Variants in WIF1 observed in about 807,000 individuals in gnomAD.
WIF1 encodes Wnt inhibitory factor 1.
A neutral mutation model predicts 53.5 loss-of-function variants in WIF1; 35 were observed. That is an observed-to-expected ratio of 0.65 (90% confidence interval 0.50 to 0.87). The LOEUF (loss-of-function observed/expected upper bound fraction) is 0.87. Among genes scored for constraint, WIF1 ranks in the 40% least tolerant of loss-of-function variants. The pLI is 0.00. For missense variants in WIF1, 467 were observed against 476.8 expected, an observed-to-expected ratio of 0.98 and a Z score of 0.19; for synonymous variants, 171 against 170.4, an observed-to-expected ratio of 1.00 and a Z score of -0.03.
intron 7 of WIF1, among the ~76,000 whole-genome samples, chr12:65,056,554 T>G (rs1269480331): frequency 1.3e-5 from 2 of 151,826 alleles, no homozygotes; most frequent in African/African-American, 4.8e-5. Flanking sequence ...CAGAATAATC[T>G]TTTAACTGAC....
At chr12:65,096,584 C>G (rs970261754) in intron 2 of WIF1, among the ~76,000 whole-genome samples, 1 of 152,136 alleles carries the variant, frequency 6.6e-6, no homozygotes, top group African/African-American at 2.4e-5. Flanking sequence ...TATTGCAGCA[C>G]TATGTACAAT....
chr12:65,094,839 A>C (rs2136631901), intron 2 of WIF1, among the ~76,000 whole-genome samples: 1 of 151,700 alleles, frequency 6.6e-6, no homozygotes. Flanking sequence ...CTCCATCGTC[A>C]CCTTAGTGAG....
chr12:65,057,881 A>G (rs1470235201), intron 7 of WIF1, among the ~76,000 whole-genome samples: 1 of 152,188 alleles, frequency 6.6e-6, no homozygotes, highest in East Asian at 1.9e-4. Context: ...TATTTACCTA[A>G]AAGGACTTTA....
chr12:65,050,893 A>T lies in WIF1; in HGVS notation c.*456T>A, dbSNP rs886815041. The T allele has an allele frequency of 4.6e-6, 1 of 218,558 alleles. No individual in the cohort carries two copies. Among genetic ancestry groups the T allele is most frequent in the South Asian group, 1.9e-4 (1 of 5,404 alleles). The allele number at this position is 218,558 out of a possible 1,614,324, so 13.5% of individuals were successfully genotyped here. ...TTGTATTGAGAGTTTAAAAATTAAG[A>T]GCAATTTTTAAAAATGTAACAAACA... is the stretch of plus-strand genomic sequence containing the variant. On this transcript the variant is annotated 3_prime_UTR_variant, in exon 10 of 10. Coordinates refer to ENST00000286574, the MANE Select transcript of WIF1 (RefSeq NM_007191.5).
chr12:65,075,587 A>T (rs982993113), intron 3 of WIF1, among the ~76,000 whole-genome samples: 15 of 152,224 alleles, frequency 9.9e-5, no homozygotes, highest in African/African-American at 3.4e-4. Context: ...CTTCTCATGT[A>T]AGAAAAGTTA....
At chr12:65,105,275 A>G (rs1208619966) in intron 2 of WIF1, among the ~76,000 whole-genome samples, 1 of 152,092 alleles carries the variant, frequency 6.6e-6, no homozygotes, top group Non-Finnish European at 1.5e-5. Flanking sequence ...AGAGGTACAC[A>G]TTGGTACTGA....
chr12:65,058,429 A>G (rs1052925084), intron 7 of WIF1, among the ~76,000 whole-genome samples: 24 of 152,226 alleles, frequency 1.6e-4, no homozygotes, highest in African/African-American at 5.8e-4. Flanking sequence ...TAATCCTTTC[A>G]TAAACTTCAA....
intron 4 of WIF1, 38 bp from the exon 5 acceptor site, chr12:65,067,828 T>C (rs749035750): frequency 1.3e-6 from 2 of 1,578,558 alleles, no homozygotes; most frequent in Non-Finnish European, 1.7e-6. Context: ...TGGACACCCT[T>C]GAAATCATGT....
chr12:65,120,781 A>G, intron 1 of WIF1: 1 of 769,394 alleles, frequency 1.3e-6, no homozygotes, highest in Non-Finnish European at 1.9e-6. Flanking sequence ...CATGGAGTTA[A>G]CCGACGCAAA....
chr12:65,100,458 T>C (rs1258527548), intron 2 of WIF1, among the ~76,000 whole-genome samples: 2 of 152,278 alleles, frequency 1.3e-5, no homozygotes, highest in Non-Finnish European at 2.9e-5. Flanking sequence ...TGGAGGATTT[T>C]TTAAAAGCGA....
intron 2 of WIF1, among the ~76,000 whole-genome samples, chr12:65,102,481 C>A (rs1565759220): frequency 6.6e-6 from 1 of 152,128 alleles, no homozygotes; most frequent in South Asian, 2.1e-4. Flanking sequence ...TTGTTGGAGA[C>A]CCACCCACAT....
intron 3 of WIF1, among the ~76,000 whole-genome samples, chr12:65,071,193 C>G (rs1882766949): frequency 7.0e-6 from 1 of 143,036 alleles, no homozygotes; most frequent in South Asian, 2.2e-4. Context: ...AAGATAGAGC[C>G]ACTGCAGTCC....
rs1156989098 is a variant in WIF1 at position 65,051,358 on chromosome 12, G to A, written c.1131C>T (p.Tyr377=). ...TTTCAGATGTCGGAGTTCACCAGAT[G>A]TAATTGGATTCAGGTGGATCCCGCC... ...EERRDPPESN[Y]IW is the part of the protein sequence containing the mutation. Residue 377 remains tyrosine, a synonymous_variant, in exon 10 of 10, where the codon TAC becomes TAT. Transcript: ENST00000286574. The A allele has an allele frequency of 1.2e-6, 2 of 1,613,232 alleles. No homozygotes were observed. The highest frequency in any genetic ancestry group is 1.7e-6 in the Non-Finnish European group (2 of 1,179,742).
At chr12:65,053,484 A>G (rs1353562725) in intron 9 of WIF1, among the ~76,000 whole-genome samples, 1 of 152,182 alleles carries the variant, frequency 6.6e-6, no homozygotes, top group Non-Finnish European at 1.5e-5. Context: ...TGACAGTTTT[A>G]TAAGTGTTTG....
intron 7 of WIF1, among the ~76,000 whole-genome samples, chr12:65,058,739 C>T (rs921072489): frequency 5.3e-5 from 8 of 152,098 alleles, no homozygotes; most frequent in African/African-American, 1.9e-4. Flanking sequence ...TGAGAGATGG[C>T]ACATTTTTAC....
intron 3 of WIF1, among the ~76,000 whole-genome samples, chr12:65,074,227 A>C (rs945774745): frequency 6.6e-6 from 1 of 151,646 alleles, no homozygotes; most frequent in African/African-American, 2.4e-5. Context: ...ACATGTGCAC[A>C]TTATGCAGGT....
intron 7 of WIF1, among the ~76,000 whole-genome samples, chr12:65,062,036 C>G (rs1179679736): frequency 3.3e-5 from 5 of 151,898 alleles, no homozygotes; most frequent in Admixed American, 2.0e-4. Context: ...TTGAGTCTAC[C>G]TTTTTCTCTT....
chr12:65,072,827 T>C (rs1882804851), intron 3 of WIF1, among the ~76,000 whole-genome samples: 1 of 152,160 alleles, frequency 6.6e-6, no homozygotes, highest in Admixed American at 6.5e-5. Flanking sequence ...TAAAGAGCCA[T>C]TGTTCCCAAA....
At chr12:65,066,117 C>T (rs897217421) in intron 6 of WIF1, among the ~76,000 whole-genome samples, 8 of 152,054 alleles carry the variant, frequency 5.3e-5, no homozygotes, top group Admixed American at 3.9e-4. Flanking sequence ...TTTGCACTCC[C>T]GTTATGTAAT....
Sources: gnomAD v4.1 joint callset for allele counts (sites outside exome capture counted in the v4.1 genomes callset) on GRCh38, gnomAD v4.1.1 for gene constraint, MANE v1.5 for transcripts, NCBI Gene and HGNC (gene_info 2026-07-23, HGNC 2026-07-21) for gene names.